SNX25: variants seen among roughly 807,000 people sequenced by gnomAD.
SNX25 encodes sorting nexin-25.
SNX25 carries 62 observed loss-of-function variants against 113.7 expected under a neutral mutation model. The observed-to-expected ratio is 0.55, with a 90% CI of 0.44 to 0.67. The LOEUF is 0.67. Ranked by LOEUF, SNX25 falls within the 30% of genes least tolerant of loss-of-function variation. SNX25 has a pLI of 0.00. For synonymous variants in SNX25, 421 were observed against 436.2 expected (o/e 0.97, Z 0.43); for missense variants, 1,014 against 1,161.0 (o/e 0.87, Z 1.84).
intron 6 of SNX25, among the ~76,000 whole-genome samples, chr4:185,296,959 T>G (rs1449198903): frequency 6.6e-6 from 1 of 152,200 alleles, no homozygotes; most frequent in Non-Finnish European, 1.5e-5. Flanking sequence ...TTCATCTTCT[T>G]TGACCTTTCT....
intron 6 of SNX25, among the ~76,000 whole-genome samples, chr4:185,298,918 A>G (rs980731297): frequency 6.6e-6 from 1 of 152,206 alleles, no homozygotes; most frequent in African/African-American, 2.4e-5. Context: ...AGGAAATCTT[A>G]TCCACCAGAA....
chr4:185,349,253 C>T (rs1476128940), intron 13 of SNX25, among the ~76,000 whole-genome samples: 4 of 152,166 alleles, frequency 2.6e-5, no homozygotes, highest in Admixed American at 1.3e-4. Flanking sequence ...ATGTAGCCCG[C>T]GGGCTGTGGG....
intron 5 of SNX25, among the ~76,000 whole-genome samples, chr4:185,273,006 G>A (rs990222715): frequency 1.2e-4 from 19 of 152,100 alleles, no homozygotes; most frequent in African/African-American, 4.3e-4. Context: ...AATGCCAGTG[G>A]TATTCTGCTG....
At chr4:185,268,241 A>G (rs1019066625) in intron 5 of SNX25, among the ~76,000 whole-genome samples, 4 of 152,150 alleles carry the variant, frequency 2.6e-5, no homozygotes, top group African/African-American at 9.7e-5. Context: ...AGAGTAGAAC[A>G]TTGTGTTGGT....
intron 2 of SNX25, among the ~76,000 whole-genome samples, chr4:185,256,397 T>C (rs1256603124): frequency 6.6e-6 from 1 of 152,196 alleles, no homozygotes; most frequent in East Asian, 1.9e-4. Flanking sequence ...GCTATAAAGC[T>C]GAATTGCAAA....
intron 9 of SNX25, among the ~76,000 whole-genome samples, chr4:185,328,454 G>A (rs1215730838): frequency 6.6e-6 from 1 of 151,968 alleles, no homozygotes; most frequent in Non-Finnish European, 1.5e-5. Context: ...AAGACAGAGT[G>A]GAAAAAAGTA....
At chr4:185,309,542 C>T (rs1008384460) in intron 6 of SNX25, among the ~76,000 whole-genome samples, 1 of 152,078 alleles carries the variant, frequency 6.6e-6, no homozygotes, top group African/African-American at 2.4e-5. Context: ...AGTAATTGGC[C>T]CCACCATCCC....
chr4:185,285,936 C>CTAATTTTTTTTTT (rs1751285080), intron 5 of SNX25, among the ~76,000 whole-genome samples: 2 of 131,018 alleles, frequency 1.5e-5, no homozygotes, highest in African/African-American at 5.2e-5. Flanking sequence ...CCATGCCCAG[C>CTAATTTTTTTTTT]TAATTTTTTT....
At chr4:185,252,963 A>G (rs1745882786) in intron 2 of SNX25, among the ~76,000 whole-genome samples, 1 of 152,206 alleles carries the variant, frequency 6.6e-6, no homozygotes, top group Admixed American at 6.5e-5. Context: ...ATCTAATATG[A>G]ATGAACTCTT....
chr4:185,306,295 CAG>C (rs1754460344), intron 6 of SNX25, among the ~76,000 whole-genome samples: 1 of 152,204 alleles, frequency 6.6e-6, no homozygotes, highest in South Asian at 2.1e-4. Context: ...CAAAAATAAA[CAG>C]AACCATCTAA....
intron 4 of SNX25, 84 bp downstream of exon 4, chr4:185,264,694 A>C: frequency 7.2e-7 from 1 of 1,382,442 alleles, no homozygotes; most frequent in Middle Eastern, 1.9e-4. Flanking sequence ...TGTTGAACAT[A>C]TGGGATTTGA....
intron 1 of SNX25, among the ~76,000 whole-genome samples, chr4:185,213,656 C>A (rs1186641997): frequency 2.0e-5 from 3 of 152,146 alleles, no homozygotes; most frequent in African/African-American, 7.2e-5. Flanking sequence ...TCACCTGGGT[C>A]TGAGCCTCAG....
chr4:185,358,510 A>T (rs1247703768), intron 16 of SNX25, among the ~76,000 whole-genome samples: 1 of 152,224 alleles, frequency 6.6e-6, no homozygotes, highest in East Asian at 1.9e-4. Flanking sequence ...TAGCCAATAG[A>T]AGTTGAATAG....
At chr4:185,362,541 C>T (rs1023202450) in intron 17 of SNX25, 70 bp from the exon 18 acceptor site, 1 of 1,431,514 alleles carries the variant, frequency 7.0e-7, no homozygotes, top group Admixed American at 1.8e-5. Flanking sequence ...ATGTTGTATT[C>T]CTTTCACTGC....
At chr4:185,347,213 A>C (rs1019236393) in intron 13 of SNX25, among the ~76,000 whole-genome samples, 1 of 152,226 alleles carries the variant, frequency 6.6e-6, no homozygotes, top group Non-Finnish European at 1.5e-5. Context: ...GCTTTTACAA[A>C]GGGTGCTTAT....
chr4:185,258,301 G>A (rs1242773490), intron 2 of SNX25, among the ~76,000 whole-genome samples: 1 of 152,192 alleles, frequency 6.6e-6, no homozygotes, highest in Non-Finnish European at 1.5e-5. Flanking sequence ...ACCATCGGGT[G>A]CCATGCCTGC....
chr4:185,324,523 G>T (rs1429091629), intron 9 of SNX25, among the ~76,000 whole-genome samples: 1 of 151,924 alleles, frequency 6.6e-6, no homozygotes, highest in African/African-American at 2.4e-5. Flanking sequence ...TGCAAGGTTG[G>T]AATGTCTCCG....
chr4:185,205,019 A>AAAG (rs1454125825), upstream of SNX25, among the ~76,000 whole-genome samples: 6 of 152,264 alleles, frequency 3.9e-5, no homozygotes, highest in Non-Finnish European at 8.8e-5. Context: ...ATCTAAGTGC[A>AAAG]AAGAAGGGTA....
At chr4:185,259,452 T>C (rs1231959205) in intron 3 of SNX25, among the ~76,000 whole-genome samples, 2 of 152,238 alleles carry the variant, frequency 1.3e-5, no homozygotes, top group African/African-American at 4.8e-5. Context: ...GTGAGTCCTA[T>C]GTTGAGCTCT....
Sources: allele counts gnomAD v4.1 joint callset (sites outside exome capture counted in the v4.1 genomes callset), GRCh38; gene constraint gnomAD v4.1.1; transcripts MANE v1.5; gene names NCBI Gene and HGNC (gene_info 2026-07-23, HGNC 2026-07-21).